The following CDH13 variants were observed in gnomAD, a reference collection of about 807,000 sequenced individuals.
CDH13 encodes the protein cadherin 13, also known as cadherin-13.
CDH13 carries 24 observed loss-of-function variants against 63.8 expected under a neutral mutation model. The observed-to-expected ratio is 0.38, with a 90% CI of 0.27 to 0.53. CDH13 has a LOEUF of 0.53. Among genes scored for constraint, CDH13 ranks in the 20% least tolerant of loss-of-function variants. The probability of loss-of-function intolerance (pLI) is 0.85; values close to 1 mark genes in which losing one functional copy is unlikely to be tolerated. For synonymous variants in CDH13, 503 were observed against 355.3 expected (o/e 1.42, Z -4.67); for missense variants, 1,049 against 903.1 (o/e 1.16, Z -2.07).
intron 10 of CDH13, chr16:83,710,194 A>G (rs533440006): frequency 1.3e-5 from 2 of 152,334 alleles, no homozygotes; most frequent in South Asian, 4.1e-4. Context: ...AGGGGGGACA[A>G]TTGAAGTTGC....
chr16:82,969,139 A>G (rs1750947193), intron 2 of CDH13, among the ~76,000 whole-genome samples: 1 of 152,210 alleles, frequency 6.6e-6, no homozygotes, highest in Non-Finnish European at 1.5e-5. Flanking sequence ...ATTTTTAATT[A>G]TTTAAAAATG....
chr16:82,634,709 C>T (rs972203949), intron 1 of CDH13, among the ~76,000 whole-genome samples: 5 of 152,310 alleles, frequency 3.3e-5, no homozygotes, highest in Admixed American at 1.3e-4. Context: ...AAAAAGTTTC[C>T]TGACTCTTTA....
At chr16:83,160,764 G>A (rs770706624) in intron 4 of CDH13, among the ~76,000 whole-genome samples, 13 of 152,126 alleles carry the variant, frequency 8.5e-5, no homozygotes, top group African/African-American at 1.2e-4. Context: ...AGAGATGCTC[G>A]GAAACCTCCT....
At position 83,783,386 on chromosome 16, in the gene CDH13, G is replaced by A. The variant is rs1449750588; in HGVS notation, c.2048G>A (p.Arg683Lys). 1.2e-6 allele frequency: 2 copies of A among 1,614,012 alleles called. No individual in the cohort carries two copies. Among genetic ancestry groups the A allele is most frequent in the South Asian group, 1.1e-5 (1 of 91,086 alleles). Residue 683 changes from arginine to lysine, a missense_variant, in exon 13 of 14, where the codon AGG becomes AAG. Transcript: ENST00000567109. ...CTCAGGGTACAAGTGTGCTCCTGCAGGAATTCCAAAGTGGACTGCAACGCG... is the reference window on the plus strand; with the variant it reads ...CTCAGGGTACAAGTGTGCTCCTGCAAGAATTCCAAAGTGGACTGCAACGCG... ...TDLRVQVCSC[R>K]NSKVDCNAAG...
At chr16:83,326,359 G>T (rs1356339855) in intron 5 of CDH13, among the ~76,000 whole-genome samples, 1 of 150,590 alleles carries the variant, frequency 6.6e-6, no homozygotes, top group Admixed American at 6.6e-5. Context: ...TAAATCATTA[G>T]TATCTCAAGG....
chr16:83,133,690 G>T (rs1338714782), intron 4 of CDH13, among the ~76,000 whole-genome samples: 1 of 152,084 alleles, frequency 6.6e-6, no homozygotes, highest in Non-Finnish European at 1.5e-5. Flanking sequence ...GTAGAGATGG[G>T]GGTTCACCAT....
intron 4 of CDH13, among the ~76,000 whole-genome samples, chr16:83,178,216 A>C (rs1319366132): frequency 6.6e-6 from 1 of 152,110 alleles, no homozygotes; most frequent in African/African-American, 2.4e-5. Context: ...ATGTTGTGGG[A>C]GGCCGTCCTG....
chr16:83,699,651 G>A (rs898620692), intron 10 of CDH13, among the ~76,000 whole-genome samples: 5 of 151,758 alleles, frequency 3.3e-5, no homozygotes, highest in East Asian at 1.9e-4. Context: ...ATGTGCACAC[G>A]CACATACACA....
intron 6 of CDH13, among the ~76,000 whole-genome samples, chr16:83,393,315 G>A (rs1188389202): frequency 6.6e-6 from 1 of 152,134 alleles, no homozygotes; most frequent in Admixed American, 6.5e-5. Context: ...CTCCAGGAAG[G>A]GCTGTGGGAA....
At chr16:83,461,181 G>A (rs1047426668) in intron 6 of CDH13, among the ~76,000 whole-genome samples, 1 of 151,972 alleles carries the variant, frequency 6.6e-6, no homozygotes, top group African/African-American at 2.4e-5. Flanking sequence ...CTTGCTATAT[G>A]TTGTATATGC....
At chr16:83,794,963 T>C in intron 13 of CDH13, 60 bp from the exon 14 acceptor site, 1 of 1,522,740 alleles carries the variant, frequency 6.6e-7, no homozygotes, top group Non-Finnish European at 9.0e-7. Context: ...GGCTTTTAGC[T>C]AAAATGTTTT....
At chr16:83,076,387 G>A (rs1425274922) in intron 3 of CDH13, among the ~76,000 whole-genome samples, 1 of 152,162 alleles carries the variant, frequency 6.6e-6, no homozygotes, top group Non-Finnish European at 1.5e-5. Context: ...TGGGGATTGG[G>A]ATGCTTAGAC....
Position 82,804,199 on chromosome 16 carries a change from G to T in CDH13, c.46-54163G>T, listed in dbSNP as rs1032135573. 2.6e-5 allele frequency among the ~76,000 whole-genome samples: 4 copies of T among 151,494 alleles called. No homozygotes were observed. In the South Asian group the frequency reaches 6.2e-4, roughly 24 times the overall value. ...GCTGAGATCACGCTACTGCACTCCAGCCTGGTGACAGAGTGAGACTTCATC... is the reference window on the plus strand; with the variant it reads ...GCTGAGATCACGCTACTGCACTCCATCCTGGTGACAGAGTGAGACTTCATC... On this transcript the variant is annotated intron_variant, in intron 1 of 13. Transcript: ENST00000567109.
At chr16:83,405,220 A>G (rs2092024185) in intron 6 of CDH13, among the ~76,000 whole-genome samples, 1 of 152,186 alleles carries the variant, frequency 6.6e-6, no homozygotes, top group South Asian at 2.1e-4. Flanking sequence ...CTGTGTAAGT[A>G]GCTGTGTAAG....
At chr16:83,768,638 C>A (rs958322214) in intron 11 of CDH13, among the ~76,000 whole-genome samples, 4 of 152,220 alleles carry the variant, frequency 2.6e-5, no homozygotes, top group Non-Finnish European at 4.4e-5. Context: ...CTGCTGGTTG[C>A]CCATGTTTAT....
intron 2 of CDH13, among the ~76,000 whole-genome samples, chr16:82,880,006 A>G (rs2040644017): frequency 6.8e-6 from 1 of 147,518 alleles, no homozygotes; most frequent in South Asian, 2.1e-4. Flanking sequence ...TATATAATAG[A>G]TTATATTAAT....
intron 5 of CDH13, among the ~76,000 whole-genome samples, chr16:83,331,158 C>G (rs886325320): frequency 6.6e-6 from 1 of 152,138 alleles, no homozygotes; most frequent in Admixed American, 6.5e-5. Flanking sequence ...TACAGTCTCC[C>G]TGAATCTAAA....
chr16:83,403,356 T>C (rs769924644), intron 6 of CDH13, among the ~76,000 whole-genome samples: 1 of 152,074 alleles, frequency 6.6e-6, no homozygotes, highest in Non-Finnish European at 1.5e-5. Flanking sequence ...GAACTGTCTT[T>C]AAAAATAATG....
In CDH13 at chr16:83,576,020, G is replaced by A. The variant is rs180881171; in HGVS notation, c.961-26434G>A. On this transcript the variant is annotated intron_variant, in intron 7 of 13. Coordinates refer to ENST00000567109, the MANE Select transcript of CDH13 (RefSeq NM_001257.5). ...AATTGATGTAAAATTCACATAACAT[G>A]AAACTAACCATGTTAAAGTGACAAG... 2.9e-3 allele frequency among the ~76,000 whole-genome samples: 443 copies of A among 152,238 alleles called. 1 individual carries two copies. The highest frequency in any genetic ancestry group is 6.6e-3 in the Admixed American group (101 of 15,290).
Sources: gnomAD v4.1 joint callset for allele counts (sites outside exome capture counted in the v4.1 genomes callset) on GRCh38, gnomAD v4.1.1 for gene constraint, MANE v1.5 for transcripts, NCBI Gene and HGNC (gene_info 2026-07-23, HGNC 2026-07-21) for gene names.